The following SAXO2 variants were observed in gnomAD, a reference collection of about 807,000 sequenced individuals.
The protein encoded by SAXO2 is stabilizer of axonemal microtubules 2.
SAXO2 carries 17 observed loss-of-function variants against 18.7 expected under a neutral mutation model. The ratio of observed to expected loss-of-function variants is 0.91; its 90% CI spans 0.62 to 1.36. SAXO2 has a LOEUF of 1.36. Ranked by LOEUF, SAXO2 falls within the 40% of genes most tolerant of loss-of-function variation. SAXO2 has a pLI of 0.00. For missense variants in SAXO2, 486 were observed against 562.6 expected (o/e 0.86, Z 1.38); for synonymous variants, 163 against 181.2 (o/e 0.90, Z 0.81).
intron 3 of SAXO2, among the ~76,000 whole-genome samples, chr15:82,281,451 C>T (rs1395349528): frequency 6.6e-6 from 1 of 151,848 alleles, no homozygotes; most frequent in Non-Finnish European, 1.5e-5. Flanking sequence ...CAGTTAAGGC[C>T]TCTGGCCTCT....
intron 1 of SAXO2, chr15:82,264,631 A>G: frequency 1.4e-6 from 1 of 702,284 alleles, no homozygotes; most frequent in Non-Finnish European, 2.6e-6. Flanking sequence ...AGAACTTAAG[A>G]AATCATTTTC....
chr15:82,277,862 C>G (rs1567093442), intron 3 of SAXO2, among the ~76,000 whole-genome samples: 1 of 152,154 alleles, frequency 6.6e-6, no homozygotes, highest in Non-Finnish European at 1.5e-5. Context: ...GCTCTGAGAA[C>G]TTCAGACACT....
Position 82,277,227 on chromosome 15 carries a change from A to G in SAXO2, c.434-4892A>G, listed in dbSNP as rs568637563. ...GCAAGAAATAAGGGGTATGGGAACA[A>G]AGAAGGGAAAAGTCAAAAGCAAATA... is the stretch of plus-strand genomic sequence containing the variant. On this transcript the variant is annotated intron_variant, in intron 3 of 3. Transcript: ENST00000682753. Among the ~76,000 whole-genome samples, 6 of 152,308 alleles carry G rather than the reference A, an allele frequency of 3.9e-5. No individual in the cohort carries two copies. The South Asian group carries it at 1.2e-3, about 32-fold the overall frequency.
At chr15:82,269,528 G>A (rs1324131435) in intron 2 of SAXO2, among the ~76,000 whole-genome samples, 1 of 152,178 alleles carries the variant, frequency 6.6e-6, no homozygotes, top group African/African-American at 2.4e-5. Flanking sequence ...GTTCAGTGTT[G>A]TCTATGTCCT....
intron 1 of SAXO2, chr15:82,263,164 C>G: frequency 6.9e-7 from 1 of 1,453,112 alleles, no homozygotes; most frequent in East Asian, 2.5e-5. Context: ...ATCAAGGATG[C>G]AAAGTAAAAT....
chr15:82,264,411 A>G (rs2075189740), intron 1 of SAXO2, among the ~76,000 whole-genome samples: 1 of 151,170 alleles, frequency 6.6e-6, no homozygotes, highest in African/African-American at 2.4e-5. Context: ...TTCTGAGCAT[A>G]CTATTCTACA....
intron 2 of SAXO2, among the ~76,000 whole-genome samples, chr15:82,268,985 A>T (rs2075245395): frequency 6.6e-6 from 1 of 152,092 alleles, no homozygotes; most frequent in Non-Finnish European, 1.5e-5. Context: ...ATTCCCCTCT[A>T]GTTCGTATTT....
At chr15:82,263,989 T>C in intron 1 of SAXO2, among the ~76,000 whole-genome samples, 1 of 151,862 alleles carries the variant, frequency 6.6e-6, no homozygotes, top group East Asian at 1.9e-4. Flanking sequence ...AAAATATCTA[T>C]AATATTGTAA....
At position 82,282,790 on chromosome 15, in the gene SAXO2, C is replaced by T. The variant is rs1474178094; in HGVS notation, c.1105C>T (p.Pro369Ser). Residue 369 changes from proline (P) to serine (S), a missense_variant, in exon 4 of 4, where the codon CCA (proline) becomes TCA (serine). Physicochemically the swap from Pro to Ser is moderately conservative, Grantham distance 74 (BLOSUM62 -1). Transcript: ENST00000682753. ...TAAGAAGCAGCAGCAGATTCCCAACCCATCTGGAAAATTTGATGGTTTGAG... is the reference window on the plus strand; with the variant it reads ...TAAGAAGCAGCAGCAGATTCCCAACTCATCTGGAAAATTTGATGGTTTGAG... Reference protein sequence around the residue: ...LIKKQQQIPNPSGKFDGLSTF... With the variant: ...LIKKQQQIPNSSGKFDGLSTF... 7 of 1,614,046 alleles carry T rather than the reference C, an allele frequency of 4.3e-6. No individual in the cohort carries two copies. The South Asian group carries it at 5.5e-5, about 13-fold the overall frequency.
chr15:82,263,049 C>T, intron 1 of SAXO2, 117 bp downstream of exon 1: 2 of 1,527,814 alleles, frequency 1.3e-6, no homozygotes, highest in Non-Finnish European at 1.8e-6. Flanking sequence ...GATGAAGGGA[C>T]GAGGGCGCAG....
At chr15:82,271,457 G>A (rs1440233497) in intron 2 of SAXO2, 146 bp from the exon 3 acceptor site, 13 of 652,528 alleles carry the variant, frequency 2.0e-5, no homozygotes, top group Non-Finnish European at 3.3e-5. Flanking sequence ...CCTCTTTCAA[G>A]TAGTTTATCA....
chr15:82,263,281 C>T (rs2075158985), intron 1 of SAXO2: 1 of 1,346,236 alleles, frequency 7.4e-7, no homozygotes, highest in Non-Finnish European at 1.0e-6. Flanking sequence ...CCCCATAATC[C>T]CCCACCACGA....
chr15:82,273,656 GATAA>G (rs1396386021), intron 3 of SAXO2, among the ~76,000 whole-genome samples: 3 of 151,870 alleles, frequency 2.0e-5, no homozygotes, highest in Admixed American at 6.6e-5. Flanking sequence ...AGTAATTGCT[GATAA>G]ATAGATTGAT....
At chr15:82,264,067 G>T (rs1169562351) in intron 1 of SAXO2, among the ~76,000 whole-genome samples, 1 of 134,132 alleles carries the variant, frequency 7.5e-6, no homozygotes. Flanking sequence ...CATATGCATT[G>T]ATTTTTTTTT....
In SAXO2 at chr15:82,282,122, A is replaced by C; in HGVS notation, c.437A>C (p.Asp146Ala). ...TTGCTTTGTTTTAATTTTCAAGACG[A>C]TTATAGAGCTTGGGACCTTCATAAA... ...KLDTVPTYKD[D>A]YRAWDLHKSE... is the part of the protein sequence containing the mutation. Residue 146 changes from aspartate to alanine, a missense_variant, in exon 4 of 4, where the codon GAT (aspartate) becomes GCT (alanine). Asp to Ala is a moderately radical substitution (Grantham distance 126). Transcript: ENST00000682753. 1 of 1,590,000 alleles carries C rather than the reference A, an allele frequency of 6.3e-7. No individual in the cohort carries two copies. Among genetic ancestry groups the C allele is most frequent in the Non-Finnish European group, 8.5e-7 (1 of 1,172,172 alleles).
chr15:82,283,616 A>G lies in SAXO2; in HGVS notation c.*554A>G, dbSNP rs1232787283. On this transcript the variant is annotated 3_prime_UTR_variant, in exon 4 of 4. Coordinates refer to ENST00000682753, the MANE Select transcript of SAXO2 (RefSeq NM_001348699.2). ...CAAGAGGCACTGTGGTGTGGCAAGG[A>G]AAGGCTCTGTGTGCTGGGAATCGAA... is the stretch of plus-strand genomic sequence containing the variant. The G allele has an allele frequency of 6.6e-6, 1 of 152,376 alleles. No individual in the cohort carries two copies. Among genetic ancestry groups the G allele is most frequent in the Non-Finnish European group, 1.5e-5 (1 of 68,188 alleles). The allele number at this position is 152,376 out of a possible 1,614,324, so 9.4% of individuals were successfully genotyped here.
At chr15:82,263,290 G>A (rs530964370) in intron 1 of SAXO2, 193 of 1,308,156 alleles carry the variant, frequency 1.5e-4, no homozygotes, top group East Asian at 8.3e-4. Flanking sequence ...CCCCCACCAC[G>A]AAGATGAGAA....
rs140020526 is a variant in SAXO2, at chr15:82,275,351, G to A, written c.433+3549G>A. Among the ~76,000 whole-genome samples, 238 of 130,532 alleles carry A rather than the reference G, an allele frequency of 1.8e-3. 1 individual carries two copies. The highest frequency in any genetic ancestry group is 3.1e-3 in the Non-Finnish European group (193 of 62,542). 85.6% of individuals were successfully genotyped at this position (130,532 alleles called of 152,430 possible). A position where few individuals can be genotyped will look rare whatever the true frequency, so the allele number is the denominator to read the frequency against. Reference sequence around the variant, plus strand: ...TCACAGCTGAATTCTACCAGACATAGAAAGAACAGCTGGTACCAATCCTAG... The same window carrying A: ...TCACAGCTGAATTCTACCAGACATAAAAAGAACAGCTGGTACCAATCCTAG... On this transcript the variant is annotated intron_variant, in intron 3 of 3. Coordinates refer to ENST00000682753, the MANE Select transcript of SAXO2 (RefSeq NM_001348699.2).
At chr15:82,263,940 T>C (rs1281676043) in intron 1 of SAXO2, among the ~76,000 whole-genome samples, 4 of 152,116 alleles carry the variant, frequency 2.6e-5, no homozygotes, top group Non-Finnish European at 4.4e-5. Flanking sequence ...TTTTTGACAA[T>C]GCAATAAATA....
Sources: gnomAD v4.1 joint callset for allele counts (sites outside exome capture counted in the v4.1 genomes callset) on GRCh38, gnomAD v4.1.1 for gene constraint, MANE v1.5 for transcripts, NCBI Gene and HGNC (gene_info 2026-07-23, HGNC 2026-07-21) for gene names.